The following PAQR5 variants were observed in gnomAD, a reference collection of about 807,000 sequenced individuals.
PAQR5 encodes membrane progestin receptor gamma.
Under a neutral mutation model 34.5 loss-of-function variants are expected in PAQR5, and 20 were observed. The observed-to-expected ratio is 0.58, with a 90% CI of 0.41 to 0.84. The LOEUF (loss-of-function observed/expected upper bound fraction) is 0.84. PAQR5 is among the 40% of genes least tolerant of loss of function. PAQR5 has a pLI of 0.00. For synonymous variants in PAQR5, 131 were observed against 155.6 expected (o/e 0.84, Z 1.18); for missense variants, 378 against 412.7 (o/e 0.92, Z 0.73).
intron 5 of PAQR5, among the ~76,000 whole-genome samples, chr15:69,386,188 C>T (rs1345853255): frequency 1.3e-5 from 2 of 151,400 alleles, no homozygotes; most frequent in East Asian, 3.9e-4. Flanking sequence ...CACACATACT[C>T]TCAGACACTA....
At position 69,322,910 on chromosome 15, in the gene PAQR5, G is replaced by A. The variant is rs901674885; in HGVS notation, c.-276-14431G>A. Among the ~76,000 whole-genome samples the A allele has an allele frequency of 1.1e-4, 17 of 149,410 alleles. 1 individual carries two copies. The highest frequency in any genetic ancestry group is 4.3e-4 in the African/African-American group (17 of 39,948). On this transcript the variant is annotated intron_variant, in intron 1 of 8. Transcript: ENST00000395407. ...AGATGTCTCATCCAGTGCAAATAAC[G>A]AGCACAAAGAGCGCATGGGGGTGGG...
chr15:69,365,908 C>T (rs2055390545), intron 3 of PAQR5, among the ~76,000 whole-genome samples: 1 of 152,182 alleles, frequency 6.6e-6, no homozygotes, highest in South Asian at 2.1e-4. Flanking sequence ...GGCCCTACAG[C>T]TGAATTTTCT....
At position 69,405,007 on chromosome 15, in the gene PAQR5, C is replaced by T. The variant is rs535155475; in HGVS notation, c.*1185C>T. 414 of 398,574 alleles carry T rather than the reference C, an allele frequency of 1.0e-3. No homozygotes were observed. The highest frequency in any genetic ancestry group is 1.5e-3 in the Non-Finnish European group (350 of 226,044). 24.7% of individuals were successfully genotyped at this position (398,574 alleles called of 1,614,324 possible). Reference sequence around the variant, plus strand: ...GGCATTAGACCTATCAGCTTTGTTTCGCCTGATCTCAAGTTTTAGCAACTC... The same window carrying T: ...GGCATTAGACCTATCAGCTTTGTTTTGCCTGATCTCAAGTTTTAGCAACTC... On this transcript the variant is annotated 3_prime_UTR_variant, in exon 9 of 9. Coordinates refer to ENST00000395407, the MANE Select transcript of PAQR5 (RefSeq NM_017705.4).
intron 1 of PAQR5, among the ~76,000 whole-genome samples, chr15:69,314,202 A>T (rs1221654514): frequency 1.3e-5 from 2 of 151,896 alleles, no homozygotes; most frequent in Non-Finnish European, 2.9e-5. Flanking sequence ...TACAAATTGT[A>T]AGTGGAAAAA....
intron 1 of PAQR5, among the ~76,000 whole-genome samples, chr15:69,316,325 C>T (rs1246818481): frequency 6.6e-6 from 1 of 152,158 alleles, no homozygotes; most frequent in Non-Finnish European, 1.5e-5. Flanking sequence ...AGGTGATCCA[C>T]CTGCCTTGGC....
intron 1 of PAQR5, among the ~76,000 whole-genome samples, chr15:69,335,246 C>T (rs1595867147): frequency 1.6e-5 from 2 of 127,952 alleles, no homozygotes; most frequent in Admixed American, 8.4e-5. Flanking sequence ...GAAATTTTAG[C>T]TTTTTTTTTT....
At chr15:69,391,098 T>G (rs1481787882) in intron 6 of PAQR5, 4 of 152,604 alleles carry the variant, frequency 2.6e-5, no homozygotes, top group African/African-American at 7.2e-5. Flanking sequence ...TTCTCTGTCC[T>G]CCCGCAATGG....
At chr15:69,325,209 T>C (rs1334421642) in intron 1 of PAQR5, among the ~76,000 whole-genome samples, 2 of 152,160 alleles carry the variant, frequency 1.3e-5, no homozygotes, top group Admixed American at 1.3e-4. Flanking sequence ...CCAAGCTTCA[T>C]TTCTTCAAGA....
chr15:69,330,932 C>A (rs6494793), intron 1 of PAQR5, among the ~76,000 whole-genome samples: 7 of 152,080 alleles, frequency 4.6e-5, no homozygotes, highest in South Asian at 4.2e-4. Context: ...GTTCGGTGGC[C>A]CCACTCCAGT....
chr15:69,305,720 G>A (rs1941824157), intron 1 of PAQR5, among the ~76,000 whole-genome samples: 1 of 382 alleles, frequency 2.6e-3, no homozygotes, highest in Admixed American at 0.042. Flanking sequence ...AGGAGGGAGA[G>A]AGGGTGGAGT....
At chr15:69,329,311 C>T (rs2054324651) in intron 1 of PAQR5, among the ~76,000 whole-genome samples, 1 of 151,858 alleles carries the variant, frequency 6.6e-6, no homozygotes, top group Non-Finnish European at 1.5e-5. Flanking sequence ...AAACCCCCAT[C>T]CTTGAATATA....
intron 3 of PAQR5, among the ~76,000 whole-genome samples, chr15:69,366,977 C>T (rs1199780724): frequency 2.0e-5 from 3 of 151,666 alleles, no homozygotes; most frequent in South Asian, 4.2e-4. Context: ...GGAATGCATC[C>T]GATATTAATG....
intron 2 of PAQR5, among the ~76,000 whole-genome samples, chr15:69,356,230 G>A (rs1477430672): frequency 6.6e-6 from 1 of 152,204 alleles, no homozygotes; most frequent in Non-Finnish European, 1.5e-5. Context: ...GTGTGTTTGA[G>A]TTTCCCTATT....
chr15:69,338,262 T>C (rs2054557400), intron 2 of PAQR5, among the ~76,000 whole-genome samples: 1 of 152,196 alleles, frequency 6.6e-6, no homozygotes, highest in Non-Finnish European at 1.5e-5. Flanking sequence ...AAAAGAAAAC[T>C]ATAGTATACT....
rs532681446 is a variant in PAQR5 at position 69,385,865 on chromosome 15, ACAC to A, written c.385+987_385+989del. ...ACAATACACTTACATGCACACACAC[ACAC>A]CACATGCCACATGTACTCACACATT... On this transcript the variant is annotated intron_variant, in intron 5 of 8. Transcript: ENST00000395407. The surrounding 1 kb of genome is among the most constrained non-coding windows in gnomAD (Gnocchi z 4.7). Among the ~76,000 whole-genome samples, 21 of 151,734 alleles carry A rather than the reference ACAC, an allele frequency of 1.4e-4. No individual in the cohort carries two copies. Among genetic ancestry groups the A allele is most frequent in the South Asian group, 6.3e-4 (3 of 4,796 alleles).
intron 6 of PAQR5, among the ~76,000 whole-genome samples, chr15:69,393,235 T>C (rs1045391901): frequency 6.6e-6 from 1 of 152,028 alleles, no homozygotes; most frequent in African/African-American, 2.4e-5. Context: ...CCCTGACCCA[T>C]GGTTTTGCTG....
At chr15:69,331,678 T>G (rs2054383044) in intron 1 of PAQR5, among the ~76,000 whole-genome samples, 1 of 152,094 alleles carries the variant, frequency 6.6e-6, no homozygotes, top group South Asian at 2.1e-4. Flanking sequence ...TGAATTACCA[T>G]TTGGAGGTCA....
intron 6 of PAQR5, chr15:69,396,848 G>C (rs774013226): frequency 2.4e-5 from 7 of 292,214 alleles, no homozygotes; most frequent in Non-Finnish European, 4.7e-5. Context: ...TTTTAATGTT[G>C]CTGTCAGCTG....
chr15:69,393,144 C>A (rs142145957), intron 6 of PAQR5, among the ~76,000 whole-genome samples: 2 of 150,678 alleles, frequency 1.3e-5, no homozygotes, highest in Admixed American at 6.6e-5. Context: ...GAAGGGGGCA[C>A]ATGCCACACT....
Sources: gnomAD v4.1 joint callset for allele counts (sites outside exome capture counted in the v4.1 genomes callset) on GRCh38, gnomAD v4.1.1 for gene constraint, Gnocchi (gnomAD v3.1) non-coding constraint, MANE v1.5 for transcripts, NCBI Gene and HGNC (gene_info 2026-07-23, HGNC 2026-07-21) for gene names.